The following SNX8 variants were observed in gnomAD, a reference collection of about 807,000 sequenced individuals.
The protein encoded by SNX8 is sorting nexin 8, also known as sorting nexin-8.
Under a neutral mutation model 51.6 loss-of-function variants are expected in SNX8, and 25 were observed. The observed-to-expected ratio is 0.48, with a 90% CI of 0.35 to 0.68. SNX8 has a LOEUF of 0.68. Among genes scored for constraint, SNX8 ranks in the 30% least tolerant of loss-of-function variants. The probability of loss-of-function intolerance (pLI) is 0.00; values close to 1 mark genes in which losing one functional copy is unlikely to be tolerated. For missense variants in SNX8, 695 were observed against 624.0 expected (o/e 1.11, Z -1.21); for synonymous variants, 324 against 277.0 (o/e 1.17, Z -1.68).
intron 1 of SNX8, among the ~76,000 whole-genome samples, chr7:2,338,271 G>A (rs1224155208): frequency 6.6e-6 from 1 of 152,008 alleles, no homozygotes; most frequent in Non-Finnish European, 1.5e-5. Flanking sequence ...GACCATCCTG[G>A]CTAACATGGT....
chr7:2,255,197 C>A, intron 10 of SNX8, 28 bp from the exon 11 acceptor site: 1 of 1,417,016 alleles, frequency 7.1e-7, no homozygotes, highest in Non-Finnish European at 9.6e-7. Context: ...AGAACAAGAT[C>A]AGCAGGCGGG....
intron 7 of SNX8, among the ~76,000 whole-genome samples, chr7:2,261,045 G>C (rs1432925541): frequency 6.6e-6 from 1 of 152,256 alleles, no homozygotes; most frequent in African/African-American, 2.4e-5. Flanking sequence ...GCTGAAGAGG[G>C]AGTGGAATGT....
At chr7:2,302,773 G>T (rs1234406452) in intron 1 of SNX8, among the ~76,000 whole-genome samples, 1 of 151,380 alleles carries the variant, frequency 6.6e-6, no homozygotes, top group Non-Finnish European at 1.5e-5. Flanking sequence ...GGGATGTGAG[G>T]AGCGCCTCTG....
intron 1 of SNX8, among the ~76,000 whole-genome samples, chr7:2,340,536 C>T (rs1488026982): frequency 1.3e-5 from 2 of 151,326 alleles, no homozygotes; most frequent in African/African-American, 4.9e-5. Context: ...TCCTTTAGGA[C>T]TACTGCATGC....
In SNX8 at chr7:2,310,402, T is replaced by C. The variant is rs542520582; in HGVS notation, c.94+3926A>G. Among the ~76,000 whole-genome samples, 12 of 152,228 alleles carry C rather than the reference T, an allele frequency of 7.9e-5. No individual in the cohort carries two copies. In the South Asian group the frequency reaches 8.3e-4, roughly 11 times the overall value. On this transcript the variant is annotated intron_variant, in intron 1 of 10. Transcript: ENST00000222990. ...ACTTTGGGAGGCCCGGGTGGGAGGATTGCTTGAGGCCAGGAGTTCCACACC... is the reference window on the plus strand; with the variant it reads ...ACTTTGGGAGGCCCGGGTGGGAGGACTGCTTGAGGCCAGGAGTTCCACACC...
chr7:2,261,564 T>C (rs1024111476), intron 7 of SNX8, among the ~76,000 whole-genome samples: 4 of 152,202 alleles, frequency 2.6e-5, no homozygotes, highest in Non-Finnish European at 4.4e-5. Flanking sequence ...ACACAATGCA[T>C]AGGGCAGGGC....
chr7:2,347,614 T>TC (rs201411591), intron 1 of SNX8, among the ~76,000 whole-genome samples: 11,633 of 70,308 alleles, frequency 0.17, 725 homozygotes, highest in Non-Finnish European at 0.3. Context: ...CACTGGATTC[T>TC]TTTTTTTTTT....
At chr7:2,345,550 C>T in intron 1 of SNX8, among the ~76,000 whole-genome samples, 1 of 151,652 alleles carries the variant, frequency 6.6e-6, no homozygotes, top group Non-Finnish European at 1.5e-5. Flanking sequence ...TGCTGGCAGG[C>T]ACCTGTAATC....
rs371626274 is a variant in SNX8 at position 2,313,523 on chromosome 7, C to CA, written c.94+804dup. 3.9e-3 allele frequency among the ~76,000 whole-genome samples: 426 copies of CA among 107,938 alleles called. 3 individuals are homozygous for CA. Among genetic ancestry groups the CA allele is most frequent in the South Asian group, 4.7e-3 (14 of 2,982 alleles). 70.8% of individuals were successfully genotyped at this position (107,938 alleles called of 152,430 possible). A position where few individuals can be genotyped will look rare whatever the true frequency, so the allele number is the denominator to read the frequency against. On this transcript the variant is annotated intron_variant, in intron 1 of 10. Transcript: ENST00000222990. ...CCTGAGTGACAGTGAGAATCTGTCT[C>CA]AAAAAAAAAAAAAAAAGAAAAGAAA... is the stretch of plus-strand genomic sequence containing the variant.
intron 1 of SNX8, among the ~76,000 whole-genome samples, chr7:2,282,920 G>A (rs1240991712): frequency 6.6e-6 from 1 of 152,122 alleles, no homozygotes; most frequent in Non-Finnish European, 1.5e-5. Flanking sequence ...AGGAGATCGA[G>A]ACCATCCTGG....
chr7:2,344,199 A>G (rs1778982031), intron 1 of SNX8, among the ~76,000 whole-genome samples: 1 of 151,826 alleles, frequency 6.6e-6, no homozygotes, highest in South Asian at 2.1e-4. Context: ...CTCAGTCTCA[A>G]AAACAAGAAA....
intron 10 of SNX8, among the ~76,000 whole-genome samples, chr7:2,255,872 G>A (rs1322606446): frequency 6.6e-6 from 1 of 152,190 alleles, no homozygotes; most frequent in Admixed American, 6.5e-5. Flanking sequence ...GCAGGGGTCA[G>A]GCCAAGACCT....
Position 2,293,353 on chromosome 7 carries a change from T to C in SNX8, c.95-15048A>G, listed in dbSNP as rs546116509. 2.1e-3 allele frequency among the ~76,000 whole-genome samples: 325 copies of C among 151,874 alleles called. 2 individuals carry two copies. The highest frequency in any genetic ancestry group is 7.4e-3 in the African/African-American group (309 of 41,480). On this transcript the variant is annotated intron_variant, in intron 1 of 10. Transcript: ENST00000222990. ...CTAAAGAAGATGCAGAAATGGCCAA[T>C]GAGCACCTGAAAAGATGCTCAGTCG... is the stretch of plus-strand genomic sequence containing the variant.
intron 1 of SNX8, among the ~76,000 whole-genome samples, chr7:2,339,689 AAG>A (rs1239843948): frequency 1.3e-5 from 2 of 152,162 alleles, no homozygotes; most frequent in Non-Finnish European, 2.9e-5. Flanking sequence ...GTATAGAATC[AAG>A]ATTAGCCAAA....
At chr7:2,256,547 G>A (rs1562418753) in intron 10 of SNX8, among the ~76,000 whole-genome samples, 1 of 152,224 alleles carries the variant, frequency 6.6e-6, no homozygotes, top group African/African-American at 2.4e-5. Context: ...GCTCCGAAGC[G>A]CTAGAAACCT....
chr7:2,276,805 T>A (rs571935424), intron 2 of SNX8, among the ~76,000 whole-genome samples: 2 of 152,218 alleles, frequency 1.3e-5, no homozygotes, highest in East Asian at 3.9e-4. Flanking sequence ...AACTGCCTGG[T>A]GTGGTGGCAT....
intron 3 of SNX8, among the ~76,000 whole-genome samples, chr7:2,273,446 C>T (rs945388505): frequency 1.3e-5 from 2 of 151,230 alleles, no homozygotes; most frequent in Admixed American, 6.6e-5. Context: ...ATTAGCCAGG[C>T]GTGGTGGCGG....
intron 1 of SNX8, among the ~76,000 whole-genome samples, chr7:2,339,154 T>G (rs1309394528): frequency 6.6e-6 from 1 of 152,174 alleles, no homozygotes; most frequent in African/African-American, 2.4e-5. Flanking sequence ...ACCTCTCATC[T>G]CAGCCTCCCA....
chr7:2,257,426 C>A lies in SNX8; in HGVS notation c.1073G>T (p.Ser358Ile). Residue 358 changes from serine (S) to isoleucine (I), a missense_variant, in exon 9 of 11, where the codon AGC (serine) becomes ATC (isoleucine). Ser to Ile is a moderately radical substitution (Grantham distance 142). Coordinates refer to ENST00000222990, the MANE Select transcript of SNX8 (RefSeq NM_013321.4). ...KYSLMKRQMM[S>I]ATAQNREPES... is the part of the protein sequence containing the mutation. ...CGGCTCGCGGTTCTGCGCGGTGGCG[C>A]TCATCATCTGCCTCTTCATCAGGCT... 1 of 1,610,884 alleles carries A rather than the reference C, an allele frequency of 6.2e-7. No individual in the cohort carries two copies. Among genetic ancestry groups the A allele is most frequent in the Non-Finnish European group, 8.5e-7 (1 of 1,179,434 alleles).
Sources: allele counts gnomAD v4.1 joint callset (sites outside exome capture counted in the v4.1 genomes callset), GRCh38; gene constraint gnomAD v4.1.1; transcripts MANE v1.5; gene names NCBI Gene and HGNC (gene_info 2026-07-23, HGNC 2026-07-21).